MCC: variants seen among roughly 807,000 people sequenced by gnomAD.
The protein encoded by MCC is MCC regulator of Wnt signaling pathway, also known as colorectal mutant cancer protein.
In MCC, 90 loss-of-function variants were observed where a neutral mutation model predicts 116.2. The observed-to-expected ratio is 0.77, with a 90% CI of 0.65 to 0.92. The LOEUF (loss-of-function observed/expected upper bound fraction) is 0.92, where lower values mean the gene tolerates loss of function less well. Among genes scored for constraint, MCC ranks in the 40% least tolerant of loss-of-function variants. The pLI, the probability that MCC is intolerant of heterozygous loss-of-function variation, is 0.00. For synonymous variants in MCC, 578 were observed against 510.5 expected (o/e 1.13, Z -1.78); for missense variants, 1,516 against 1,312.2 (o/e 1.16, Z -2.40).
At chr5:113,337,034 C>A (rs1767887150) in intron 3 of MCC, among the ~76,000 whole-genome samples, 1 of 152,174 alleles carries the variant, frequency 6.6e-6, no homozygotes, top group Non-Finnish European at 1.5e-5. Flanking sequence ...TGGAGCTGGA[C>A]CATGTAAACA....
At chr5:113,262,318 G>GA (rs1241828679) in intron 3 of MCC, among the ~76,000 whole-genome samples, 42 of 149,178 alleles carry the variant, frequency 2.8e-4, no homozygotes, top group East Asian at 1.6e-3. Flanking sequence ...CAGGTTGAAA[G>GA]AAAAAAAAAC....
intron 3 of MCC, among the ~76,000 whole-genome samples, chr5:113,335,916 T>C (rs1767857603): frequency 6.6e-6 from 1 of 151,802 alleles, no homozygotes; most frequent in South Asian, 2.1e-4. Flanking sequence ...TAGTCTGTTT[T>C]GTGCTGCTAT....
intron 3 of MCC, among the ~76,000 whole-genome samples, chr5:113,281,149 G>A (rs1170489355): frequency 6.6e-6 from 1 of 152,148 alleles, no homozygotes; most frequent in Admixed American, 6.5e-5. Flanking sequence ...AATGAAACAC[G>A]TGGCCTTCGT....
chr5:113,051,670 G>C (rs1050673770), intron 15 of MCC, among the ~76,000 whole-genome samples: 4 of 152,204 alleles, frequency 2.6e-5, no homozygotes, highest in Non-Finnish European at 5.9e-5. Flanking sequence ...GCTATAGTGA[G>C]CCATGACTGT....
At chr5:113,075,746 G>C (rs568221660) in intron 11 of MCC, among the ~76,000 whole-genome samples, 5 of 152,298 alleles carry the variant, frequency 3.3e-5, no homozygotes, top group African/African-American at 4.8e-5. Flanking sequence ...CAACCCGCTC[G>C]GGTGCCCTTC....
chr5:113,404,504 T>G (rs943378854), intron 1 of MCC, among the ~76,000 whole-genome samples: 2 of 152,150 alleles, frequency 1.3e-5, no homozygotes, highest in African/African-American at 4.8e-5. Context: ...CAAAGGTCAC[T>G]CTCACAGCCT....
At chr5:113,068,318 T>C in intron 12 of MCC, 135 bp from the exon 13 acceptor site, 2 of 649,984 alleles carry the variant, frequency 3.1e-6, no homozygotes, top group Non-Finnish European at 5.5e-6. Context: ...AAACCACCCA[T>C]GAATATTCCC....
chr5:113,339,129 G>C (rs1285292740), intron 3 of MCC, among the ~76,000 whole-genome samples: 1 of 151,372 alleles, frequency 6.6e-6, no homozygotes, highest in Non-Finnish European at 1.5e-5. Context: ...GAGAGGCTGA[G>C]ACAGGAGAAT....
intron 1 of MCC, among the ~76,000 whole-genome samples, chr5:113,415,731 A>G (rs1770126321): frequency 6.6e-6 from 1 of 152,090 alleles, no homozygotes; most frequent in East Asian, 1.9e-4. Context: ...TTTAGCTTGG[A>G]GAAGTTTGTT....
intron 3 of MCC, among the ~76,000 whole-genome samples, chr5:113,180,831 A>G (rs936594094): frequency 6.6e-6 from 1 of 152,186 alleles, no homozygotes; most frequent in Non-Finnish European, 1.5e-5. Flanking sequence ...TACATTTTAT[A>G]TAATAGTTAA....
In MCC at chr5:113,247,218, G is replaced by C. The variant is rs576026950; in HGVS notation, c.627+93301C>G. Among the ~76,000 whole-genome samples the C allele has an allele frequency of 2.6e-5, 4 of 152,326 alleles. No individual in the cohort carries two copies. In the South Asian group the frequency reaches 8.3e-4, roughly 32 times the overall value. On this transcript the variant is annotated intron_variant, in intron 3 of 18. Coordinates refer to ENST00000408903, the MANE Select transcript of MCC (RefSeq NM_001085377.2). ...AAAAATCCTACAGGAATCCAGAAGT[G>C]GGGGTTTCATCAAGGGGCAACTGAC...
intron 3 of MCC, among the ~76,000 whole-genome samples, chr5:113,211,562 T>A (rs748963348): frequency 6.6e-6 from 1 of 152,214 alleles, no homozygotes; most frequent in Non-Finnish European, 1.5e-5. Context: ...GACAAAGGAA[T>A]CCTGCTCCAT....
intron 2 of MCC, among the ~76,000 whole-genome samples, chr5:113,379,386 A>T (rs752777903): frequency 1.4e-4 from 22 of 152,214 alleles, no homozygotes; most frequent in Non-Finnish European, 2.9e-4. Flanking sequence ...AAAACCTGTG[A>T]TATTTTAAGC....
At chr5:113,096,734 G>A (rs552928326) in intron 8 of MCC, among the ~76,000 whole-genome samples, 125 of 152,258 alleles carry the variant, frequency 8.2e-4, no homozygotes, top group African/African-American at 2.8e-3. Context: ...GATCAGAGAC[G>A]TGCACCTGTC....
At chr5:113,345,549 A>G (rs188882755) in intron 2 of MCC, among the ~76,000 whole-genome samples, 7 of 152,364 alleles carry the variant, frequency 4.6e-5, no homozygotes, top group Admixed American at 3.9e-4. Flanking sequence ...TCCCAGTTCT[A>G]TGTGTCTCAG....
chr5:113,119,297 T>A (rs1200970725), intron 6 of MCC, among the ~76,000 whole-genome samples: 43 of 151,884 alleles, frequency 2.8e-4, no homozygotes, highest in Admixed American at 2.8e-3. Flanking sequence ...CTCCATGTTA[T>A]GAAAGAAAAT....
intron 3 of MCC, among the ~76,000 whole-genome samples, chr5:113,328,889 C>A (rs955589754): frequency 1.4e-4 from 21 of 152,122 alleles, no homozygotes; most frequent in African/African-American, 4.8e-4. Context: ...TGTGAGACAG[C>A]ACTGCACCCT....
intron 1 of MCC, among the ~76,000 whole-genome samples, chr5:113,417,156 G>T (rs1770174967): frequency 6.6e-6 from 1 of 152,040 alleles, no homozygotes; most frequent in African/African-American, 2.4e-5. Context: ...TTTTAGGAGA[G>T]ACTGGGTTTC....
At chr5:113,316,115 G>A (rs1023915689) in intron 3 of MCC, among the ~76,000 whole-genome samples, 4 of 151,970 alleles carry the variant, frequency 2.6e-5, no homozygotes, top group Admixed American at 6.6e-5. Context: ...ACTTAGCTGG[G>A]CGTATTGGCA....
Sources: gnomAD v4.1 joint callset for allele counts (sites outside exome capture counted in the v4.1 genomes callset) on GRCh38, gnomAD v4.1.1 for gene constraint, MANE v1.5 for transcripts, NCBI Gene and HGNC (gene_info 2026-07-23, HGNC 2026-07-21) for gene names.